The following WDFY2 variants were observed in gnomAD, a reference collection of about 807,000 sequenced individuals.
The protein encoded by WDFY2 is WD repeat and FYVE domain containing 2.
WDFY2 carries 36 observed loss-of-function variants against 56.4 expected under a neutral mutation model. That is an observed-to-expected ratio of 0.64 (90% CI 0.49 to 0.84). WDFY2 has a LOEUF of 0.84. Ranked by LOEUF, WDFY2 falls within the 40% of genes least tolerant of loss-of-function variation. The probability of loss-of-function intolerance (pLI) is 0.00; values close to 1 mark genes in which losing one functional copy is unlikely to be tolerated. For synonymous variants in WDFY2, 176 were observed against 183.7 expected, an observed-to-expected ratio of 0.96 and a Z score of 0.34; for missense variants, 444 against 512.2, an observed-to-expected ratio of 0.87 and a Z score of 1.29.
At chr13:51,749,091 A>G (rs969768855) in intron 7 of WDFY2, among the ~76,000 whole-genome samples, 1 of 152,192 alleles carries the variant, frequency 6.6e-6, no homozygotes, top group Non-Finnish European at 1.5e-5. Context: ...ATATTAAACA[A>G]TGTCATTTTT....
intron 8 of WDFY2, chr13:51,752,730 T>C (rs1336306898): frequency 1.3e-5 from 2 of 152,280 alleles, no homozygotes; most frequent in African/African-American, 4.8e-5. Flanking sequence ...AGGCATCCAA[T>C]ACTATTGACT....
chr13:51,636,089 C>T (rs1955044979), intron 1 of WDFY2, among the ~76,000 whole-genome samples: 2 of 152,112 alleles, frequency 1.3e-5, no homozygotes, highest in African/African-American at 4.8e-5. Context: ...TCTTCCCTTA[C>T]ATATATCAGG....
intron 7 of WDFY2, among the ~76,000 whole-genome samples, chr13:51,750,833 G>A (rs903552635): frequency 4.6e-5 from 7 of 152,318 alleles, no homozygotes; most frequent in African/African-American, 1.7e-4. Flanking sequence ...CAAGCCACTT[G>A]TGAGGTGCAC....
chr13:51,673,398 G>C (rs2138497358), intron 2 of WDFY2, among the ~76,000 whole-genome samples: 1 of 152,242 alleles, frequency 6.6e-6, no homozygotes, highest in East Asian at 1.9e-4. Flanking sequence ...CTGCAATCGA[G>C]TTTTGCTTCA....
At chr13:51,664,133 CAG>C (rs1344617454) in intron 2 of WDFY2, among the ~76,000 whole-genome samples, 1 of 152,092 alleles carries the variant, frequency 6.6e-6, no homozygotes, top group African/African-American at 2.4e-5. Flanking sequence ...GCTTAAAAGG[CAG>C]AGTGTGATGA....
chr13:51,758,421 T>A, intron 11 of WDFY2, 121 bp downstream of exon 11: 1 of 602,790 alleles, frequency 1.7e-6, no homozygotes, highest in South Asian at 2.5e-5. Flanking sequence ...CATGGTGGCA[T>A]GTGTCTGTAG....
At chr13:51,631,163 G>A (rs187824232) in intron 1 of WDFY2, among the ~76,000 whole-genome samples, 20 of 151,220 alleles carry the variant, frequency 1.3e-4, no homozygotes, top group East Asian at 8.0e-4. Flanking sequence ...AGGCCGAGGC[G>A]GGAGGATCAC....
chr13:51,611,371 G>T (rs578083850), intron 1 of WDFY2, among the ~76,000 whole-genome samples: 31 of 152,176 alleles, frequency 2.0e-4, no homozygotes, highest in African/African-American at 5.1e-4. Flanking sequence ...ATTATAGTTT[G>T]CTATTTTGTG....
intron 1 of WDFY2, among the ~76,000 whole-genome samples, chr13:51,619,168 CGAGGCTGCAT>C (rs1954679100): frequency 6.6e-6 from 1 of 152,088 alleles, no homozygotes. Flanking sequence ...ATAAAGAACT[CGAGGCTGCAT>C]GTGGTGGCTC....
chr13:51,747,060 A>G (rs1425559916), intron 7 of WDFY2, among the ~76,000 whole-genome samples: 3 of 152,274 alleles, frequency 2.0e-5, no homozygotes, highest in African/African-American at 2.4e-5. Flanking sequence ...TGAAATATCA[A>G]TATTTTAAAA....
chr13:51,634,424 C>T (rs1173602744), intron 1 of WDFY2, among the ~76,000 whole-genome samples: 1 of 152,040 alleles, frequency 6.6e-6, no homozygotes, highest in African/African-American at 2.4e-5. Flanking sequence ...AGTACTTTAG[C>T]CTTTTAATAC....
chr13:51,704,231 G>C (rs1029048675), intron 4 of WDFY2, among the ~76,000 whole-genome samples: 7 of 152,124 alleles, frequency 4.6e-5, no homozygotes, highest in Admixed American at 4.6e-4. Flanking sequence ...CTCTACTTTA[G>C]TACCTCCAGA....
intron 1 of WDFY2, among the ~76,000 whole-genome samples, chr13:51,651,790 T>G (rs1367526309): frequency 6.6e-6 from 1 of 151,202 alleles, no homozygotes; most frequent in Non-Finnish European, 1.5e-5. Flanking sequence ...ACAGTTCTTT[T>G]ACATTTGCTG....
rs1342359172 is a variant in WDFY2 at position 51,690,042 on chromosome 13, GC to G, written c.280-13552del. Reference sequence around the variant, plus strand: ...GAGATTTGCTAAAATGGAAAACAGTGCCACTCTTTTCACTAAATTTTTTGTT... The same window carrying G: ...GAGATTTGCTAAAATGGAAAACAGTGCACTCTTTTCACTAAATTTTTTGTT... On this transcript the variant is annotated intron_variant, in intron 3 of 11. Coordinates refer to ENST00000298125, the MANE Select transcript of WDFY2 (RefSeq NM_052950.4). Among the ~76,000 whole-genome samples the G allele has an allele frequency of 2.6e-5, 4 of 151,906 alleles. No homozygotes were observed. The East Asian group carries it at 7.7e-4, about 29-fold the overall frequency.
intron 1 of WDFY2, 39 bp downstream of exon 1, chr13:51,584,863 A>C: frequency 1.9e-6 from 3 of 1,608,036 alleles, no homozygotes; most frequent in Non-Finnish European, 2.5e-6. Context: ...GAGGGGCGGG[A>C]CGGGCCGACG....
intron 1 of WDFY2, among the ~76,000 whole-genome samples, chr13:51,600,700 T>C (rs1283836358): frequency 6.6e-6 from 1 of 151,776 alleles, no homozygotes; most frequent in East Asian, 1.9e-4. Flanking sequence ...AGTCTGTGGA[T>C]GGGGAGAGGA....
At position 51,711,770 on chromosome 13, in the gene WDFY2, C is replaced by T. The variant is rs139579290; in HGVS notation, c.335-7428C>T. Among the ~76,000 whole-genome samples, 684 of 152,260 alleles carry T rather than the reference C, an allele frequency of 4.5e-3. 4 individuals are homozygous for T. The highest frequency in any genetic ancestry group is 0.015 in the African/African-American group (605 of 41,554). ...ATCTCACACCAGTTAGAATGGCGAT[C>T]ATTAAAAAGTCAGGAAACAACAGGT... On this transcript the variant is annotated intron_variant, in intron 4 of 11. Coordinates refer to ENST00000298125, the MANE Select transcript of WDFY2 (RefSeq NM_052950.4).
chr13:51,682,962 C>T (rs1240549067), intron 3 of WDFY2, among the ~76,000 whole-genome samples: 2 of 152,112 alleles, frequency 1.3e-5, no homozygotes, highest in Non-Finnish European at 2.9e-5. Flanking sequence ...AGGAATTTAC[C>T]AGTGATTTGC....
chr13:51,584,632 C>A lies in WDFY2; in HGVS notation c.-56C>A. ...TGTGTCCGTGCTCCAGCAGTCTCCT[C>A]AGCCCGGCCCCGCGGCGCGGTTGGC... On this transcript the variant is annotated 5_prime_UTR_variant, in exon 1 of 12. Transcript: ENST00000298125. The A allele has an allele frequency of 1.3e-6, 2 of 1,566,520 alleles. No homozygotes were observed. The highest frequency in any genetic ancestry group is 1.7e-6 in the Non-Finnish European group (2 of 1,160,540).
Sources: allele counts gnomAD v4.1 joint callset (sites outside exome capture counted in the v4.1 genomes callset), GRCh38; gene constraint gnomAD v4.1.1; transcripts MANE v1.5; gene names NCBI Gene and HGNC (gene_info 2026-07-23, HGNC 2026-07-21).